SULT1A1: variants seen among roughly 807,000 people sequenced by gnomAD.
SULT1A1 encodes sulfotransferase family 1A member 1.
Under a neutral mutation model 36.8 loss-of-function variants are expected in SULT1A1, and 35 were observed. The ratio of observed to expected loss-of-function variants is 0.95; its 90% CI spans 0.73 to 1.26. The LOEUF (loss-of-function observed/expected upper bound fraction) is 1.26. Ranked by LOEUF, SULT1A1 falls within the 50% of genes most tolerant of loss-of-function variation. The pLI, the probability that SULT1A1 is intolerant of heterozygous loss-of-function variation, is 0.00. For synonymous variants in SULT1A1, 119 were observed against 146.0 expected (o/e 0.82, Z 1.33); for missense variants, 309 against 383.0 (o/e 0.81, Z 1.61).
rs1416136571 is a variant in SULT1A1 at position 28,623,098 on chromosome 16, C to T, written c.67+33G>A. The T allele has an allele frequency of 1.6e-5, 18 of 1,119,082 alleles. 1 individual carries two copies. Among genetic ancestry groups the T allele is most frequent in the Non-Finnish European group, 2.3e-5 (18 of 772,424 alleles). The allele number at this position is 1,119,082 out of a possible 1,614,324, so 69.3% of individuals were successfully genotyped here. ...CTGCCTCCAGTCCCCCAATACTGGT[C>T]CCACCCCCCAGGTTCCCCCCCCGGC... On this transcript the variant is annotated intron_variant, in intron 1 of 5. Coordinates refer to the SULT1A1 transcript ENST00000350842.
In SULT1A1 at chr16:28,605,564, G is replaced by A. The variant is rs2047141475; in HGVS notation, c.*257C>T. ...TGGGATTACAGGCATGAGCCACTCT[G>A]CCTGGCCCACAATCATATTTTATTC... On this transcript the variant is annotated 3_prime_UTR_variant, in exon 8 of 8. Transcript: ENST00000314752. The A allele has an allele frequency of 1.6e-6, 1 of 629,626 alleles. No individual in the cohort carries two copies. Among genetic ancestry groups the A allele is most frequent in the East Asian group, 3.1e-5 (1 of 32,432 alleles). 39.0% of individuals were successfully genotyped at this position (629,626 alleles called of 1,614,324 possible). A position where few individuals can be genotyped will look rare whatever the true frequency, so the allele number is the denominator to read the frequency against.
chr16:28,618,008 G>C (rs1173826066), intron 2 of SULT1A1, among the ~76,000 whole-genome samples: 2 of 150,552 alleles, frequency 1.3e-5, no homozygotes, highest in Non-Finnish European at 2.9e-5. Flanking sequence ...ATCCCTGCCT[G>C]AAGCTTCTTT....
intron 4 of SULT1A1, chr16:28,607,704 G>A (rs1418971470): frequency 4.3e-5 from 6 of 139,790 alleles, no homozygotes; most frequent in African/African-American, 1.1e-4. Context: ...TTTTTCTGTC[G>A]CCCAAGTTGG....
chr16:28,621,506 A>AAAAAAAG (rs1555485637), intron 1 of SULT1A1, among the ~76,000 whole-genome samples: 10 of 42,446 alleles, frequency 2.4e-4, no homozygotes, highest in African/African-American at 3.8e-4. Flanking sequence ...AAAAAAAAAA[A>AAAAAAAG]AAGAAGAAGA....
chr16:28,621,822 A>C (rs542827490), intron 1 of SULT1A1, among the ~76,000 whole-genome samples: 30 of 152,248 alleles, frequency 2.0e-4, no homozygotes, highest in African/African-American at 4.8e-4. Flanking sequence ...TGCAATGATG[A>C]TAGAGGCCAC....
chr16:28,606,268 C>T (rs376337260), intron 6 of SULT1A1, 32 bp from the exon 7 acceptor site: 68 of 1,611,214 alleles, frequency 4.2e-5, no homozygotes, highest in African/African-American at 9.4e-5. Flanking sequence ...AGTGGAGGCT[C>T]GGATTACTGA....
chr16:28,608,986 G>A (rs1382429308), intron 1 of SULT1A1, 127 bp from the exon 2 acceptor site: 1 of 1,577,928 alleles, frequency 6.3e-7, no homozygotes, highest in East Asian at 2.2e-5. Context: ...CACTCACAAA[G>A]CCACTCAGTG....
chr16:28,610,252 T>G (rs1215285412), upstream of SULT1A1: 410 of 598,982 alleles, frequency 6.8e-4, 5 homozygotes, highest in Middle Eastern at 1.1e-3. Context: ...TTTTTGTAGG[T>G]TTTTTTTTTC....
At chr16:28,606,667 C>T in intron 6 of SULT1A1, 94 bp downstream of exon 6, 1 of 1,550,518 alleles carries the variant, frequency 6.4e-7, no homozygotes, top group Non-Finnish European at 8.8e-7. Context: ...GCTGTGGGGG[C>T]TGCCCAGGGA....
chr16:28,622,755 A>G (rs2047680554), intron 1 of SULT1A1, among the ~76,000 whole-genome samples: 1 of 151,020 alleles, frequency 6.6e-6, no homozygotes, highest in African/African-American at 2.4e-5. Flanking sequence ...GATCTCCTTT[A>G]TTTTCCCGTG....
At chr16:28,618,228 G>A (rs373493528) in intron 2 of SULT1A1, among the ~76,000 whole-genome samples, 1 of 151,358 alleles carries the variant, frequency 6.6e-6, no homozygotes, top group African/African-American at 2.4e-5. Flanking sequence ...TGTAGAGATG[G>A]GGTCTCACTG....
In SULT1A1 at chr16:28,606,158, G is replaced by A; in HGVS notation, c.673C>T (p.Gln225Ter). The change falls in exon 7 of 8, where the codon CAG (glutamine) becomes TAG (stop). Residue 225 changes from glutamine to a stop codon, truncating the protein, a stop_gained. Coordinates refer to ENST00000314752, the MANE Select transcript of SULT1A1 (RefSeq NM_001055.4). LOFTEE classifies it high-confidence loss of function. ...TTCATCTCCTTGAACGACGTGTGCTGAACCACGAAGTCCACGGTCTCCTCT... is the reference window on the plus strand; with the variant it reads ...TTCATCTCCTTGAACGACGTGTGCTAAACCACGAAGTCCACGGTCTCCTCT... ...LPEETVDFVV[Q>*]HTSFKEMKKN... 1 of 1,611,636 alleles carries A rather than the reference G, an allele frequency of 6.2e-7. No individual in the cohort carries two copies. The highest frequency in any genetic ancestry group is 8.5e-7 in the Non-Finnish European group (1 of 1,178,200).
intron 2 of SULT1A1, among the ~76,000 whole-genome samples, chr16:28,619,371 A>T (rs2047606564): frequency 6.6e-6 from 1 of 152,196 alleles, no homozygotes; most frequent in African/African-American, 2.4e-5. Flanking sequence ...GCCTCTCCTC[A>T]TACATCTATC....
At chr16:28,622,250 A>G (rs976733159) in intron 1 of SULT1A1, among the ~76,000 whole-genome samples, 1 of 151,990 alleles carries the variant, frequency 6.6e-6, no homozygotes, top group Non-Finnish European at 1.5e-5. Context: ...TCTTGTGCCA[A>G]GTAAAACTCC....
At chr16:28,606,355 C>A (rs763798483) in intron 6 of SULT1A1, 119 bp from the exon 7 acceptor site, 2 of 1,542,754 alleles carry the variant, frequency 1.3e-6, no homozygotes, top group Non-Finnish European at 1.8e-6. Context: ...CCCTGCAGAG[C>A]CAACTCCTCA....
At chr16:28,608,959 G>A (rs936870423) in intron 1 of SULT1A1, 100 bp from the exon 2 acceptor site, 37 of 1,604,604 alleles carry the variant, frequency 2.3e-5, no homozygotes, top group Non-Finnish European at 2.8e-5. Flanking sequence ...GCCTAGGGAG[G>A]CTGAGTGACT....
chr16:28,618,992 A>T (rs1567317820), intron 2 of SULT1A1, among the ~76,000 whole-genome samples: 1 of 152,198 alleles, frequency 6.6e-6, no homozygotes. Flanking sequence ...GAGAACATGG[A>T]CTAAAATTCA....
At chr16:28,619,933 A>G in intron 2 of SULT1A1, 1 of 677,004 alleles carries the variant, frequency 1.5e-6, no homozygotes, top group Non-Finnish European at 2.4e-6. Flanking sequence ...ATATATATAC[A>G]TATACACATA....
rs549823060 is a variant in SULT1A1 at position 28,605,829 on chromosome 16, C to G, written c.880G>C (p.Glu294Gln). The change falls in exon 8 of 8, where the codon GAG (glutamate) becomes CAG (glutamine). Residue 294 changes from glutamate to glutamine, a missense_variant. By Grantham distance (29) the Glu-to-Gln change is conservative. Coordinates refer to ENST00000314752, the MANE Select transcript of SULT1A1 (RefSeq NM_001055.4). ...GACTCCAGGAGCCCCTCTCACAGCT[C>G]AGAGCGGAAGCTGAGGCTGCAGCCT... Reference protein sequence around the residue: ...MAGCSLSFRSEL With the variant: ...MAGCSLSFRSQL The G allele has an allele frequency of 1.2e-6, 2 of 1,609,520 alleles. No homozygotes were observed. Among genetic ancestry groups the G allele is most frequent in the Admixed American group, 3.3e-5 (2 of 59,844 alleles).
Sources: allele counts gnomAD v4.1 joint callset (sites outside exome capture counted in the v4.1 genomes callset), GRCh38; gene constraint gnomAD v4.1.1; transcripts MANE v1.5; gene names NCBI Gene and HGNC (gene_info 2026-07-23, HGNC 2026-07-21).